Variants in INSYN2B observed in about 807,000 individuals in gnomAD.
The protein encoded by INSYN2B is protein INSYN2B.
INSYN2B carries 16 observed loss-of-function variants against 41.2 expected under a neutral mutation model. The ratio of observed to expected loss-of-function variants is 0.39; its 90% CI spans 0.26 to 0.59. The LOEUF (loss-of-function observed/expected upper bound fraction) is 0.59. Ranked by LOEUF, INSYN2B falls within the 20% of genes least tolerant of loss-of-function variation. The pLI, the probability that INSYN2B is intolerant of heterozygous loss-of-function variation, is 0.57. For missense variants in INSYN2B, 608 were observed against 646.4 expected (o/e 0.94, Z 0.64); for synonymous variants, 245 against 244.4 (o/e 1.00, Z -0.02).
rs545696634 is a variant in INSYN2B at position 169,886,786 on chromosome 5, T to TTTTTTGC, written c.-918-1977_-918-1971dup. Among the ~76,000 whole-genome samples, 377 of 152,292 alleles carry TTTTTTGC rather than the reference T, an allele frequency of 2.5e-3. 18 individuals carry two copies. In the South Asian group the frequency reaches 0.074, roughly 30 times the overall value. Reference sequence around the variant, plus strand: ...TTTTGAGGGTTTCCTTGACTAATTGTTTTTTGCTTTCTTCTTAACTGCTCA... The same window carrying TTTTTTGC: ...TTTTGAGGGTTTCCTTGACTAATTGTTTTTTGCTTTTTGCTTTCTTCTTAACTGCTCA... On this transcript the variant is annotated intron_variant, in intron 1 of 3. Transcript: ENST00000377365.
intron 1 of INSYN2B, among the ~76,000 whole-genome samples, chr5:169,943,974 G>T (rs989020266): frequency 2.0e-5 from 3 of 152,216 alleles, no homozygotes; most frequent in African/African-American, 7.2e-5. Flanking sequence ...CTGTAAAGTG[G>T]TAAGAGTGGG....
intron 1 of INSYN2B, among the ~76,000 whole-genome samples, chr5:169,903,333 A>G (rs1014016079): frequency 2.6e-5 from 4 of 151,480 alleles, no homozygotes; most frequent in Non-Finnish European, 5.9e-5. Context: ...AAAAAAAGGA[A>G]AAGGAAAAAG....
intron 1 of INSYN2B, among the ~76,000 whole-genome samples, chr5:169,968,680 T>G (rs370072825): frequency 6.6e-6 from 1 of 152,278 alleles, no homozygotes; most frequent in African/African-American, 2.4e-5. Context: ...ATTTTTCAAT[T>G]TTATCACAAT....
At chr5:169,896,192 G>A (rs960759665) in intron 1 of INSYN2B, among the ~76,000 whole-genome samples, 1 of 152,100 alleles carries the variant, frequency 6.6e-6, no homozygotes, top group African/African-American at 2.4e-5. Flanking sequence ...GGGCGGGGAG[G>A]CAGTCAGCAG....
chr5:169,952,289 A>G (rs1332976496), intron 1 of INSYN2B, among the ~76,000 whole-genome samples: 2 of 152,160 alleles, frequency 1.3e-5, no homozygotes, highest in African/African-American at 2.4e-5. Context: ...TTTATTGAGA[A>G]CTTGTTGTGT....
At chr5:169,876,783 C>A (rs1772361657) in intron 3 of INSYN2B, among the ~76,000 whole-genome samples, 1 of 152,196 alleles carries the variant, frequency 6.6e-6, no homozygotes, top group South Asian at 2.1e-4. Context: ...GTGGTGTACA[C>A]TAATAGTAAC....
intron 1 of INSYN2B, chr5:169,934,540 G>A (rs1177736570): frequency 2.3e-6 from 1 of 426,758 alleles, no homozygotes. Flanking sequence ...CAGCCTAATT[G>A]TATGCGCTAC....
intron 1 of INSYN2B, among the ~76,000 whole-genome samples, chr5:169,938,910 C>CTTTTTTT (rs60068204): frequency 7.1e-6 from 1 of 141,218 alleles, no homozygotes; most frequent in Admixed American, 7.1e-5. Context: ...TTTTTCTTTT[C>CTTTTTTT]TTTTTTTTTT....
chr5:169,972,476 T>A (rs1777538812), intron 1 of INSYN2B, among the ~76,000 whole-genome samples: 1 of 98,848 alleles, frequency 1.0e-5, no homozygotes, highest in South Asian at 3.4e-4. Flanking sequence ...CTTTTGACAA[T>A]GAAAAATATT....
At chr5:169,928,285 G>T (rs1775573664) in intron 1 of INSYN2B, among the ~76,000 whole-genome samples, 1 of 152,140 alleles carries the variant, frequency 6.6e-6, no homozygotes, top group African/African-American at 2.4e-5. Context: ...CGGTGGGCCA[G>T]CCTGTTCTTG....
Position 169,961,978 on chromosome 5 carries a change from C to CA in INSYN2B, c.-919+18298dup, listed in dbSNP as rs70979150. Among the ~76,000 whole-genome samples, 167 of 74,620 alleles carry CA rather than the reference C, an allele frequency of 2.2e-3. 8 individuals carry two copies. The highest frequency in any genetic ancestry group is 0.011 in the East Asian group (25 of 2,294). The allele number at this position is 74,620 out of a possible 152,430, so 49.0% of individuals were successfully genotyped here. ...TGGGTGAAAAAGTGAGACTCTGTCC[C>CA]AAAAAAAAAAAAAAAAATGGAGAAA... On this transcript the variant is annotated intron_variant, in intron 1 of 3. Coordinates refer to ENST00000377365, the MANE Select transcript of INSYN2B (RefSeq NM_001129891.3).
In INSYN2B at chr5:169,864,302, CCTT is replaced by C. The variant is rs1561774864; in HGVS notation, c.1576_1578del (p.Lys526del). 6.4e-7 allele frequency: 1 copy of C among 1,551,664 alleles called. No homozygotes were observed. On this transcript the variant is annotated inframe_deletion, in exon 4 of 4. Transcript: ENST00000377365. The stretch of plus-strand genomic sequence containing the variant: ...ATCCACCAGAAGCATTTCTTTTTCA[CCTT>C]CTTGGTTTTCCGCCTTAAGTCCTGC...
At chr5:169,928,396 G>A (rs1383239330) in intron 1 of INSYN2B, among the ~76,000 whole-genome samples, 2 of 152,214 alleles carry the variant, frequency 1.3e-5, no homozygotes, top group African/African-American at 4.8e-5. Context: ...GCACTGCTCT[G>A]CCCCAGAATG....
chr5:169,968,286 G>A (rs1022838392), intron 1 of INSYN2B, among the ~76,000 whole-genome samples: 17 of 152,148 alleles, frequency 1.1e-4, no homozygotes, highest in African/African-American at 4.1e-4. Flanking sequence ...GAAGACCTTT[G>A]TCCTTTAAAA....
chr5:169,944,071 G>A (rs1407218159), intron 1 of INSYN2B, among the ~76,000 whole-genome samples: 2 of 152,184 alleles, frequency 1.3e-5, no homozygotes, highest in Non-Finnish European at 2.9e-5. Flanking sequence ...GCCAGGACCG[G>A]GGTAAGCACT....
intron 1 of INSYN2B, among the ~76,000 whole-genome samples, chr5:169,972,096 A>T (rs1358076309): frequency 6.6e-6 from 1 of 152,266 alleles, no homozygotes; most frequent in Admixed American, 6.5e-5. Flanking sequence ...TAATCAAATT[A>T]TAAAATAAAA....
At chr5:169,915,854 T>C (rs1774846530) in intron 1 of INSYN2B, among the ~76,000 whole-genome samples, 2 of 152,190 alleles carry the variant, frequency 1.3e-5, no homozygotes, top group African/African-American at 2.4e-5. Flanking sequence ...GATTGATGAC[T>C]TGGGATTTGA....
At chr5:169,954,118 C>T (rs948301206) in intron 1 of INSYN2B, among the ~76,000 whole-genome samples, 6 of 152,186 alleles carry the variant, frequency 3.9e-5, no homozygotes, top group African/African-American at 1.4e-4. Flanking sequence ...CTGAAAGTCA[C>T]CCACATTTCA....
At chr5:169,874,000 A>G (rs1403731397) in intron 3 of INSYN2B, among the ~76,000 whole-genome samples, 5 of 152,230 alleles carry the variant, frequency 3.3e-5, no homozygotes, top group African/African-American at 1.2e-4. Flanking sequence ...GCTAGGAACG[A>G]GAATGCTGGT....
Sources: allele counts gnomAD v4.1 joint callset (sites outside exome capture counted in the v4.1 genomes callset), GRCh38; gene constraint gnomAD v4.1.1; transcripts MANE v1.5; gene names NCBI Gene and HGNC (gene_info 2026-07-23, HGNC 2026-07-21).